GM2A: variants seen among roughly 807,000 people sequenced by gnomAD.
GM2A encodes the protein GM2 ganglioside activator.
In GM2A, 7 loss-of-function variants were observed where a neutral mutation model predicts 12.9. The observed-to-expected ratio is 0.54, with a 90% confidence interval of 0.31 to 1.02. The LOEUF is 1.02. GM2A is among the 50% of genes least tolerant of loss of function. GM2A has a pLI of 0.05. For missense variants in GM2A, 246 were observed against 241.0 expected (o/e 1.02, Z -0.14); for synonymous variants, 101 against 96.0 (o/e 1.05, Z -0.30).
At chr5:151,267,228 A>G (rs1753904439) in intron 3 of GM2A, 68 bp from the exon 4 acceptor site, 1 of 1,601,200 alleles carries the variant, frequency 6.2e-7, no homozygotes, top group Non-Finnish European at 8.6e-7. Flanking sequence ...CAATCCTAGC[A>G]GTGGCTCTAG....
chr5:151,259,720 C>T (rs375938028), intron 1 of GM2A, 35 bp from the exon 2 acceptor site: 12 of 1,605,276 alleles, frequency 7.5e-6, no homozygotes, highest in African/African-American at 2.7e-5. Flanking sequence ...CAACCTTTTT[C>T]TTCTTCTCCT....
chr5:151,269,008 G>A lies in GM2A; in HGVS notation c.*1557G>A. On this transcript the variant is annotated 3_prime_UTR_variant, in exon 4 of 4. Coordinates refer to ENST00000357164, the MANE Select transcript of GM2A (RefSeq NM_000405.5). ...ACCTGTGAGCTGTGGGGATCACAAG[G>A]CTGCCTGCCTCAGTCTTGGAGTCCT... 2.0e-6 allele frequency: 2 copies of A among 985,476 alleles called. No homozygotes were observed. Among genetic ancestry groups the A allele is most frequent in the African/African-American group, 3.5e-5 (2 of 57,366 alleles). 61.0% of individuals were successfully genotyped at this position (985,476 alleles called of 1,614,324 possible).
At chr5:151,253,644 A>G (rs1202287177) in intron 1 of GM2A, among the ~76,000 whole-genome samples, 2 of 150,594 alleles carry the variant, frequency 1.3e-5, no homozygotes, top group East Asian at 3.9e-4. Flanking sequence ...CCCACTCCTT[A>G]TGTCCCCCAT....
In GM2A at chr5:151,269,949, C is replaced by G. The variant is rs1193381519; in HGVS notation, c.*2498C>G. 8.3e-7 allele frequency: 1 copy of G among 1,206,864 alleles called. No homozygotes were observed. Among genetic ancestry groups the G allele is most frequent in the Non-Finnish European group, 1.0e-6 (1 of 972,700 alleles). 74.8% of individuals were successfully genotyped at this position (1,206,864 alleles called of 1,614,324 possible). On this transcript the variant is annotated 3_prime_UTR_variant, in exon 4 of 4. Coordinates refer to ENST00000357164, the MANE Select transcript of GM2A (RefSeq NM_000405.5). ...CAATGCCGGGGATCTGACACCTCAC[C>G]TGGCAATGACCTCCACAGCCGTTTC...
rs766986799 is a variant in GM2A, at chr5:151,267,448, A to C, written c.579A>C (p.Ile193=). 1.9e-6 allele frequency: 3 copies of C among 1,614,056 alleles called. No individual in the cohort carries two copies. The highest frequency in any genetic ancestry group is 2.2e-5 in the East Asian group (1 of 44,900). Residue 193 remains isoleucine, a synonymous_variant, in exon 4 of 4, where the codon ATA becomes ATC. Transcript: ENST00000357164. ...AGATCGCTGCCTCTCTAAAGGGCAT[A>C]TAACATGGCATCTGCCACAGCAGAA... ...CIKIAASLKG[I] is the part of the protein sequence containing the mutation.
rs189466361 is a variant in GM2A, at chr5:151,262,706, G to A, written c.243+2790G>A. ...AGGGATGGAATCATTCCCTATGTAT[G>A]GACACTGGACTGTTTCTCTGCCAGG... On this transcript the variant is annotated intron_variant, in intron 2 of 3. Coordinates refer to ENST00000357164, the MANE Select transcript of GM2A (RefSeq NM_000405.5). Among the ~76,000 whole-genome samples the A allele has an allele frequency of 9.6e-4, 146 of 152,264 alleles. 3 individuals are homozygous for A. The highest frequency in any genetic ancestry group is 8.4e-3 in the Admixed American group (128 of 15,300).
At position 151,267,301 on chromosome 5, in the gene GM2A, C is replaced by T. The variant is rs980173287; in HGVS notation, c.432C>T (p.Thr144=). The T allele has an allele frequency of 6.2e-7, 1 of 1,614,116 alleles. No individual in the cohort carries two copies. The highest frequency in any genetic ancestry group is 8.5e-7 in the Non-Finnish European group (1 of 1,179,922). Residue 144 remains threonine, a synonymous_variant, in exon 4 of 4, where the codon ACC becomes ACT. Coordinates refer to ENST00000357164, the MANE Select transcript of GM2A (RefSeq NM_000405.5). The stretch of plus-strand genomic sequence containing the variant: ...GTCCACTGGCTTTCCCGCAGGGAAC[C>T]TACTCACTGCCCAAGAGCGAATTCG... ...LPCHCPFKEG[T]YSLPKSEFVV... is the part of the protein sequence containing the mutation.
chr5:151,258,183 G>A (rs1328227091), intron 1 of GM2A, among the ~76,000 whole-genome samples: 25 of 152,250 alleles, frequency 1.6e-4, no homozygotes, highest in Admixed American at 1.6e-3. Flanking sequence ...AGGTAAAGGG[G>A]AAGTTTATTA....
At chr5:151,265,288 G>A (rs1025954761) in intron 2 of GM2A, among the ~76,000 whole-genome samples, 7 of 152,178 alleles carry the variant, frequency 4.6e-5, no homozygotes, top group African/African-American at 7.2e-5. Context: ...CTGGAGGAAG[G>A]CAGCTAATAT....
chr5:151,254,855 A>C (rs907570756), intron 1 of GM2A, among the ~76,000 whole-genome samples: 3 of 152,226 alleles, frequency 2.0e-5, no homozygotes, highest in Non-Finnish European at 4.4e-5. Context: ...GTTTCTACTG[A>C]ATATTTATCA....
chr5:151,258,139 A>C (rs1753726598), intron 1 of GM2A, among the ~76,000 whole-genome samples: 1 of 152,224 alleles, frequency 6.6e-6, no homozygotes, highest in Non-Finnish European at 1.5e-5. Context: ...ATGACCTTTC[A>C]TTCCAAGGGG....
rs764611573 is a variant in GM2A, at chr5:151,270,389, A to G, written c.*2938A>G. ...AATAAAAATGCTTAGTAAAAACACAATAAAATCAAATGACTGGGAGAAAAA... is the reference window on the plus strand; with the variant it reads ...AATAAAAATGCTTAGTAAAAACACAGTAAAATCAAATGACTGGGAGAAAAA... On this transcript the variant is annotated 3_prime_UTR_variant, in exon 4 of 4. Transcript: ENST00000357164. The G allele has an allele frequency of 7.5e-6, 3 of 398,664 alleles. No homozygotes were observed. Among genetic ancestry groups the G allele is most frequent in the East Asian group, 3.6e-5 (1 of 28,074 alleles). 24.7% of individuals were successfully genotyped at this position (398,664 alleles called of 1,614,324 possible). A position where few individuals can be genotyped will look rare whatever the true frequency, so the allele number is the denominator to read the frequency against.
At chr5:151,257,702 G>T (rs1204715999) in intron 1 of GM2A, among the ~76,000 whole-genome samples, 1 of 152,106 alleles carries the variant, frequency 6.6e-6, no homozygotes, top group Non-Finnish European at 1.5e-5. Context: ...ACCTCATCTG[G>T]GTCCCTCATC....
At chr5:151,261,997 T>C (rs548824942) in intron 2 of GM2A, among the ~76,000 whole-genome samples, 2 of 152,240 alleles carry the variant, frequency 1.3e-5, no homozygotes, top group African/African-American at 4.8e-5. Context: ...TTAGGTCTTT[T>C]GATACATTTT....
At chr5:151,257,900 C>T (rs1753721568) in intron 1 of GM2A, among the ~76,000 whole-genome samples, 1 of 152,208 alleles carries the variant, frequency 6.6e-6, no homozygotes, top group Non-Finnish European at 1.5e-5. Flanking sequence ...GTCAGCATTA[C>T]CTTCTGCTCT....
Position 151,268,958 on chromosome 5 carries a change from C to T in GM2A, c.*1507C>T. ...TCCCAAGGACAAGGCTCTTCCAGTG[C>T]TAGGAGAGGTATGAGCAGCCTCTCA... On this transcript the variant is annotated 3_prime_UTR_variant, in exon 4 of 4. Transcript: ENST00000357164. 1 of 985,446 alleles carries T rather than the reference C, an allele frequency of 1.0e-6. No individual in the cohort carries two copies. The highest frequency in any genetic ancestry group is 6.1e-5 in the Admixed American group (1 of 16,280). 61.0% of individuals were successfully genotyped at this position (985,446 alleles called of 1,614,324 possible).
chr5:151,266,663 T>C, intron 2 of GM2A, 68 bp from the exon 3 acceptor site: 2 of 1,121,100 alleles, frequency 1.8e-6, no homozygotes, highest in Admixed American at 1.7e-5. Flanking sequence ...ACAGAAGAGC[T>C]GGTATGTTTG....
In GM2A at chr5:151,268,840, A is replaced by C. The variant is rs986491729; in HGVS notation, c.*1389A>C. The C allele has an allele frequency of 2.0e-6, 2 of 985,032 alleles. No homozygotes were observed. Among genetic ancestry groups the C allele is most frequent in the Non-Finnish European group, 2.4e-6 (2 of 829,722 alleles). The allele number at this position is 985,032 out of a possible 1,614,324, so 61.0% of individuals were successfully genotyped here. ...CTGGCTCATGGGTGGCCACGTCACA[A>C]CCTCTGATCTCAGACCGTGCATGCC... On this transcript the variant is annotated 3_prime_UTR_variant, in exon 4 of 4. Transcript: ENST00000357164.
rs1753979016 is a variant in GM2A, at chr5:151,270,068, T to C, written c.*2617T>C. ...GTAGCTCAGTTAATCTTTTTATGTC[T>C]GCTCTGCTCTTGGGTCATATGTTCC... On this transcript the variant is annotated 3_prime_UTR_variant, in exon 4 of 4. Transcript: ENST00000357164. The C allele has an allele frequency of 8.1e-7, 1 of 1,230,708 alleles. No individual in the cohort carries two copies. Among genetic ancestry groups the C allele is most frequent in the African/African-American group, 1.6e-5 (1 of 64,418 alleles). The allele number at this position is 1,230,708 out of a possible 1,614,324, so 76.2% of individuals were successfully genotyped here.
Sources: allele counts gnomAD v4.1 joint callset (sites outside exome capture counted in the v4.1 genomes callset), GRCh38; gene constraint gnomAD v4.1.1; transcripts MANE v1.5; gene names NCBI Gene and HGNC (gene_info 2026-07-23, HGNC 2026-07-21).